Variants in GYPC observed in about 807,000 individuals in gnomAD.
The protein encoded by GYPC is glycophorin-C.
In GYPC, 14 loss-of-function variants were observed where a neutral mutation model predicts 12.6. That is an observed-to-expected ratio of 1.11 (90% CI 0.74 to 1.74). GYPC has a LOEUF of 1.74. GYPC is among the 40% of genes most tolerant of loss of function. The pLI is 0.00. For synonymous variants in GYPC, 78 were observed against 62.1 expected (o/e 1.26, Z -1.20); for missense variants, 225 against 172.1 (o/e 1.31, Z -1.72).
At chr2:126,660,597 G>A (rs77514386) in intron 1 of GYPC, among the ~76,000 whole-genome samples, 1 of 152,046 alleles carries the variant, frequency 6.6e-6, no homozygotes, top group Non-Finnish European at 1.5e-5. Context: ...CTGTGACCCC[G>A]CCTGTCCCCC....
chr2:126,687,774 C>T lies in GYPC; in HGVS notation c.50-2481C>T, dbSNP rs182118387. ...AGGCCCCGAAGCTCTCAGGTCCTAC[C>T]TCCCCTCCCAGCCTGGCTGCCCTGC... is the stretch of plus-strand genomic sequence containing the variant. On this transcript the variant is annotated intron_variant, in intron 1 of 3. Coordinates refer to ENST00000259254, the MANE Select transcript of GYPC (RefSeq NM_002101.5). Among the ~76,000 whole-genome samples, 153 of 152,330 alleles carry T rather than the reference C, an allele frequency of 1.0e-3. 2 individuals are homozygous for T. Among genetic ancestry groups the T allele is most frequent in the African/African-American group, 3.3e-3 (136 of 41,578 alleles).
At chr2:126,670,687 C>T (rs1682826904) in intron 1 of GYPC, among the ~76,000 whole-genome samples, 1 of 152,128 alleles carries the variant, frequency 6.6e-6, no homozygotes, top group South Asian at 2.1e-4. Context: ...GATGAAGTCC[C>T]AGACCTAGCA....
intron 1 of GYPC, among the ~76,000 whole-genome samples, chr2:126,676,156 C>G (rs1031470795): frequency 6.6e-6 from 1 of 152,216 alleles, no homozygotes; most frequent in African/African-American, 2.4e-5. Flanking sequence ...TGCTTTCACT[C>G]TGTTACTTGG....
At position 126,690,106 on chromosome 2, in the gene GYPC, A is replaced by G. The variant is rs1478304901; in HGVS notation, c.50-149A>G. The G allele has an allele frequency of 1.5e-5, 11 of 717,654 alleles. No homozygotes were observed. The African/African-American group carries it at 1.7e-4, about 11-fold the overall frequency. 44.5% of individuals were successfully genotyped at this position (717,654 alleles called of 1,614,324 possible). A position where few individuals can be genotyped will look rare whatever the true frequency, so the allele number is the denominator to read the frequency against. ...TCCTGGTCTGTGCACCCCTGCTAGGAGTCGGTGGGTGCACCACACTGTCTC... is the reference window on the plus strand; with the variant it reads ...TCCTGGTCTGTGCACCCCTGCTAGGGGTCGGTGGGTGCACCACACTGTCTC... On this transcript the variant is annotated intron_variant, in intron 1 of 3. Transcript: ENST00000259254.
At chr2:126,677,280 AGT>A (rs910943205) in intron 1 of GYPC, among the ~76,000 whole-genome samples, 6 of 150,656 alleles carry the variant, frequency 4.0e-5, no homozygotes, top group African/African-American at 9.8e-5. Flanking sequence ...TGCATGTGAG[AGT>A]GTGTGAGTGT....
intron 1 of GYPC, among the ~76,000 whole-genome samples, chr2:126,687,658 C>A (rs1573575397): frequency 6.6e-6 from 1 of 152,214 alleles, no homozygotes; most frequent in Admixed American, 6.5e-5. Context: ...GCTGAGGGAA[C>A]TTTCCTGCCC....
chr2:126,670,007 G>A (rs1234549789), intron 1 of GYPC, among the ~76,000 whole-genome samples: 2 of 152,322 alleles, frequency 1.3e-5, no homozygotes, highest in East Asian at 3.9e-4. Flanking sequence ...TCTGGAGGAT[G>A]AAAGGATGAA....
intron 1 of GYPC, among the ~76,000 whole-genome samples, chr2:126,674,305 A>C (rs572029518): frequency 9.9e-5 from 15 of 152,268 alleles, no homozygotes; most frequent in African/African-American, 3.4e-4. Context: ...CCAGCCGCTC[A>C]CCAGCTTCTC....
chr2:126,670,339 C>G (rs1446498082), intron 1 of GYPC, among the ~76,000 whole-genome samples: 1 of 152,218 alleles, frequency 6.6e-6, no homozygotes. Context: ...TGTGCAGCGC[C>G]TCTCCAACCA....
chr2:126,686,854 G>A (rs924560432), intron 1 of GYPC, among the ~76,000 whole-genome samples: 4 of 151,716 alleles, frequency 2.6e-5, no homozygotes, highest in Admixed American at 6.6e-5. Context: ...AAGGCTGCCC[G>A]CAGATCACCC....
At chr2:126,682,690 C>G (rs1197975874) in intron 1 of GYPC, among the ~76,000 whole-genome samples, 2 of 152,306 alleles carry the variant, frequency 1.3e-5, no homozygotes, top group Admixed American at 1.3e-4. Context: ...GTGCTGAAGC[C>G]ACGCCAACTG....
At position 126,675,560 on chromosome 2, in the gene GYPC, C is replaced by T. The variant is rs189860098; in HGVS notation, c.50-14695C>T. On this transcript the variant is annotated intron_variant, in intron 1 of 3. Coordinates refer to ENST00000259254, the MANE Select transcript of GYPC (RefSeq NM_002101.5). ...TCTCATTGTGTCATCCTGATTCTTT[C>T]TCAGTAGCTTCAAAGTGCTATTCTA... is the stretch of plus-strand genomic sequence containing the variant. 211 of 254,920 alleles carry T rather than the reference C, an allele frequency of 8.3e-4. 1 individual carries two copies. Among genetic ancestry groups the T allele is most frequent in the Admixed American group, 1.0e-3 (16 of 15,402 alleles). 15.8% of individuals were successfully genotyped at this position (254,920 alleles called of 1,614,324 possible).
At chr2:126,693,806 GC>G (rs1683548058) in intron 2 of GYPC, 57 bp from the exon 3 acceptor site, 2 of 1,160,176 alleles carry the variant, frequency 1.7e-6, no homozygotes, top group African/African-American at 3.0e-5. Context: ...GGGCCAAGGT[GC>G]TGCTAGGCAT....
At chr2:126,686,332 G>T (rs766813337) in intron 1 of GYPC, 3 of 985,708 alleles carry the variant, frequency 3.0e-6, no homozygotes, top group Non-Finnish European at 3.6e-6. Context: ...AGCACTGCCC[G>T]CACTGCAGGG....
At chr2:126,684,453 C>T (rs1299230123) in intron 1 of GYPC, among the ~76,000 whole-genome samples, 1 of 152,112 alleles carries the variant, frequency 6.6e-6, no homozygotes, top group African/African-American at 2.4e-5. Context: ...TCATCATGGC[C>T]TTCCCTTCAT....
intron 1 of GYPC, among the ~76,000 whole-genome samples, chr2:126,660,082 G>A (rs1482547743): frequency 1.3e-5 from 2 of 152,234 alleles, no homozygotes; most frequent in Non-Finnish European, 2.9e-5. Flanking sequence ...GACCCCACAG[G>A]CAACTGAGGC....
At chr2:126,689,921 C>T (rs1683404249) in intron 1 of GYPC, among the ~76,000 whole-genome samples, 1 of 152,194 alleles carries the variant, frequency 6.6e-6, no homozygotes, top group Non-Finnish European at 1.5e-5. Context: ...AACAAGAGTC[C>T]CTGCCTTCAT....
At chr2:126,662,567 G>T (rs1682562228) in intron 1 of GYPC, among the ~76,000 whole-genome samples, 1 of 152,198 alleles carries the variant, frequency 6.6e-6, no homozygotes, top group Admixed American at 6.5e-5. Flanking sequence ...GCTTCACAGG[G>T]ATGGGACCTG....
At chr2:126,695,016 C>T (rs536798197) in intron 3 of GYPC, among the ~76,000 whole-genome samples, 1 of 152,278 alleles carries the variant, frequency 6.6e-6, no homozygotes, top group African/African-American at 2.4e-5. Flanking sequence ...CTGCATTACC[C>T]TCTCCCACTT....
Sources: gnomAD v4.1 joint callset for allele counts (sites outside exome capture counted in the v4.1 genomes callset) on GRCh38, gnomAD v4.1.1 for gene constraint, MANE v1.5 for transcripts, NCBI Gene and HGNC (gene_info 2026-07-23, HGNC 2026-07-21) for gene names.